FARP2: variants seen among roughly 807,000 people sequenced by gnomAD.
The protein encoded by FARP2 is FERM, ARH/RhoGEF and pleckstrin domain protein 2, also known as FERM, ARHGEF and pleckstrin domain-containing protein 2.
Under a neutral mutation model 130.5 loss-of-function variants are expected in FARP2, and 111 were observed. The ratio of observed to expected loss-of-function variants is 0.85; its 90% confidence interval spans 0.73 to 1.00. The LOEUF (loss-of-function observed/expected upper bound fraction) is 1.00. Ranked by LOEUF, FARP2 falls within the 50% of genes least tolerant of loss-of-function variation. The pLI, the probability that FARP2 is intolerant of heterozygous loss-of-function variation, is 0.00. For synonymous variants in FARP2, 504 were observed against 516.9 expected (o/e 0.98, Z 0.34); for missense variants, 1,385 against 1,346.3 (o/e 1.03, Z -0.45).
intron 2 of FARP2, among the ~76,000 whole-genome samples, chr2:241,392,513 AT>A (rs1287953797): frequency 6.6e-6 from 1 of 152,200 alleles, no homozygotes; most frequent in Non-Finnish European, 1.5e-5. Flanking sequence ...GAATCCATTG[AT>A]ACATAAGCTC....
At chr2:241,478,467 T>C in intron 19 of FARP2, 1 of 272,878 alleles carries the variant, frequency 3.7e-6, no homozygotes, top group South Asian at 4.0e-5. Flanking sequence ...ACCTACTTTC[T>C]CACCACCCAG....
chr2:241,430,990 ACT>A (rs2063075604), intron 8 of FARP2, among the ~76,000 whole-genome samples: 1 of 150,462 alleles, frequency 6.6e-6, no homozygotes, highest in South Asian at 2.1e-4. Flanking sequence ...ATAGAGTGAG[ACT>A]CTGTCTCAAA....
At chr2:241,432,561 C>T (rs1194668857) in intron 9 of FARP2, among the ~76,000 whole-genome samples, 1 of 152,210 alleles carries the variant, frequency 6.6e-6, no homozygotes, top group Admixed American at 6.5e-5. Flanking sequence ...GTCCTTCATT[C>T]AGAAATTGAT....
chr2:241,407,351 C>A (rs1206838085), intron 4 of FARP2, among the ~76,000 whole-genome samples, 186 bp from the exon 5 acceptor site: 1 of 152,152 alleles, frequency 6.6e-6, no homozygotes, highest in Non-Finnish European at 1.5e-5. Flanking sequence ...CTCAGCCTCC[C>A]AAAGGGGTGG....
intron 26 of FARP2, 196 bp from the exon 27 acceptor site, chr2:241,493,812 G>C (rs1036054319): frequency 1.7e-4 from 87 of 512,164 alleles, no homozygotes; most frequent in African/African-American, 1.5e-3. Flanking sequence ...GGCCAGGCTG[G>C]TCTCGAACTC....
intron 25 of FARP2, 31 bp from the exon 26 acceptor site, chr2:241,493,262 C>T: frequency 6.2e-7 from 1 of 1,608,674 alleles, no homozygotes; most frequent in Non-Finnish European, 8.5e-7. Context: ...AACCCAGCCC[C>T]TGGAACCCGT....
rs373949950 is a variant in FARP2, at chr2:241,410,789, G to T, written c.411-244G>T. Among the ~76,000 whole-genome samples the T allele has an allele frequency of 2.6e-5, 4 of 152,100 alleles. No homozygotes were observed. In the East Asian group the frequency reaches 5.8e-4, roughly 22 times the overall value. ...TTAGTGTGTTCAGCACTTCCTTTGC[G>T]CTCTCCCATGTGTGTGACTCAGTCT... is the stretch of plus-strand genomic sequence containing the variant. On this transcript the variant is annotated intron_variant, in intron 5 of 26. Coordinates refer to ENST00000264042, the MANE Select transcript of FARP2 (RefSeq NM_014808.4).
chr2:241,393,775 A>G (rs111240643), intron 2 of FARP2, among the ~76,000 whole-genome samples: 2,430 of 152,332 alleles, frequency 0.016, 42 homozygotes, highest in African/African-American at 0.042. Flanking sequence ...TTTCATCTAG[A>G]CACAACCTTT....
Position 241,405,078 on chromosome 2 carries a change from G to A in FARP2, c.331+237G>A, listed in dbSNP as rs182553439. Among the ~76,000 whole-genome samples, 447 of 152,206 alleles carry A rather than the reference G, an allele frequency of 2.9e-3. 2 individuals carry two copies. The highest frequency in any genetic ancestry group is 0.01 in the Middle Eastern group (3 of 294). On this transcript the variant is annotated intron_variant, in intron 4 of 26. Coordinates refer to ENST00000264042, the MANE Select transcript of FARP2 (RefSeq NM_014808.4). ...ATAAGAGCATATGCTGTTTGATATC[G>A]TCTTAATTTTTGGCCAATATGCAAA... is the stretch of plus-strand genomic sequence containing the variant.
At position 241,418,056 on chromosome 2, in the gene FARP2, G is replaced by C; in HGVS notation, c.718G>C (p.Glu240Gln). Residue 240 changes from glutamate (E) to glutamine (Q), a missense_variant, in exon 8 of 27, where the codon GAA becomes CAA. Coordinates refer to ENST00000264042, the MANE Select transcript of FARP2 (RefSeq NM_014808.4). ...GIRFHMASDR[E>Q]GTKIQLAVSH... is the part of the protein sequence containing the mutation. ...CAGATTTCACATGGCTTCTGACAGG[G>C]AAGGAACCAAGATTCAACTGGCAGT... 1 of 1,614,168 alleles carries C rather than the reference G, an allele frequency of 6.2e-7. No homozygotes were observed. Among genetic ancestry groups the C allele is most frequent in the Non-Finnish European group, 8.5e-7 (1 of 1,180,036 alleles).
At chr2:241,432,857 T>A (rs140754591) in intron 9 of FARP2, among the ~76,000 whole-genome samples, 1 of 152,236 alleles carries the variant, frequency 6.6e-6, no homozygotes, top group Admixed American at 6.5e-5. Context: ...CATGCCTGTG[T>A]CAGCCCAGAC....
chr2:241,450,191 C>A (rs528569403), intron 13 of FARP2, among the ~76,000 whole-genome samples: 2 of 152,052 alleles, frequency 1.3e-5, no homozygotes, highest in South Asian at 4.1e-4. Flanking sequence ...TAGCAAGACC[C>A]CATCTCTACA....
intron 2 of FARP2, among the ~76,000 whole-genome samples, chr2:241,375,290 A>T (rs1238809730): frequency 2.0e-5 from 3 of 152,166 alleles, no homozygotes; most frequent in Non-Finnish European, 4.4e-5. Flanking sequence ...AATTTCCACC[A>T]TGTAGTCATC....
intron 1 of FARP2, among the ~76,000 whole-genome samples, chr2:241,371,527 A>G (rs2061424220): frequency 6.6e-6 from 1 of 152,216 alleles, no homozygotes; most frequent in African/African-American, 2.4e-5. Context: ...TTGATGACAA[A>G]ATAAGCATGA....
At chr2:241,379,028 G>T (rs1464726293) in intron 2 of FARP2, among the ~76,000 whole-genome samples, 6 of 152,146 alleles carry the variant, frequency 3.9e-5, no homozygotes, top group Non-Finnish European at 8.8e-5. Flanking sequence ...GCCTTGTCTT[G>T]TGTGCTAAGT....
Position 241,463,013 on chromosome 2 carries a change from A to G in FARP2, c.1678-322A>G, listed in dbSNP as rs1478785541. ...AGCCAAGAAATATCTCTTGATAATC[A>G]TGAGACTTGCTTGTATATATTTTGT... On this transcript the variant is annotated intron_variant, in intron 15 of 26. Transcript: ENST00000264042. Among the ~76,000 whole-genome samples, 4 of 152,184 alleles carry G rather than the reference A, an allele frequency of 2.6e-5. 1 individual carries two copies. Among genetic ancestry groups the G allele is most frequent in the Admixed American group, 2.6e-4 (4 of 15,266 alleles).
rs934515548 is a variant in FARP2, at chr2:241,475,479, C to T, written c.2132-378C>T. 1.3e-5 allele frequency among the ~76,000 whole-genome samples: 2 copies of T among 152,202 alleles called. No homozygotes were observed. Among genetic ancestry groups the T allele is most frequent in the African/African-American group, 4.8e-5 (2 of 41,448 alleles). ...AGCCACTCCCCATTGCTTGCATTAC[C>T]ACCTGAGCTCCTCCTCCTGTCAGAT... On this transcript the variant is annotated intron_variant, in intron 18 of 26. Transcript: ENST00000264042. This position sits in a 1 kb window ranked among gnomAD's most constrained non-coding sequence, Gnocchi z 4.4.
intron 22 of FARP2, among the ~76,000 whole-genome samples, chr2:241,490,692 G>A (rs998133403): frequency 6.6e-6 from 1 of 152,210 alleles, no homozygotes; most frequent in African/African-American, 2.4e-5. Context: ...AGAGCACAGG[G>A]CACTCAGTTC....
chr2:241,444,863 A>AAAT (rs2063477017), intron 13 of FARP2: 1 of 152,178 alleles, frequency 6.6e-6, no homozygotes, highest in East Asian at 1.9e-4. Flanking sequence ...AGTGTTACCC[A>AAAT]CACTTGACCA....
Sources: allele counts gnomAD v4.1 joint callset (sites outside exome capture counted in the v4.1 genomes callset), GRCh38; gene constraint gnomAD v4.1.1; non-coding constraint Gnocchi (gnomAD v3.1); transcripts MANE v1.5; gene names NCBI Gene and HGNC (gene_info 2026-07-23, HGNC 2026-07-21).